Variants in ARHGAP36 observed in about 807,000 individuals in gnomAD.
ARHGAP36 encodes Rho GTPase activating protein 36, also known as rho GTPase-activating protein 36.
A neutral mutation model predicts 32.9 loss-of-function variants in ARHGAP36; 7 were observed. The ratio of observed to expected loss-of-function variants is 0.21; its 90% CI spans 0.12 to 0.40. The LOEUF (loss-of-function observed/expected upper bound fraction) is 0.40, where lower values mean the gene tolerates loss of function less well. ARHGAP36 is among the 10% of genes least tolerant of loss of function. The pLI is 1.00. For synonymous variants in ARHGAP36, 165 were observed against 168.3 expected (o/e 0.98, Z 0.15); for missense variants, 383 against 442.2 (o/e 0.87, Z 1.20).
intron 1 of ARHGAP36, among the ~76,000 whole-genome samples, chrX:131,063,577 A>C (rs1411606665): frequency 9.0e-6 from 1 of 111,308 alleles, no homozygotes; most frequent in Non-Finnish European, 1.9e-5. Context: ...GAAGGGATGA[A>C]GGAGAGGGAG....
At chrX:131,086,297 A>C (rs1329635991) in intron 9 of ARHGAP36, 32 bp from the exon 10 acceptor site, 2 of 1,189,444 alleles carry the variant, frequency 1.7e-6, no homozygotes, top group East Asian at 3.0e-5. Context: ...GTGCTGTGTA[A>C]TGATGGCTAA....
At chrX:131,067,154 AAGT>A (rs1398522861) in intron 1 of ARHGAP36, among the ~76,000 whole-genome samples, 1 of 112,426 alleles carries the variant, frequency 8.9e-6, no homozygotes, top group African/African-American at 3.2e-5. Flanking sequence ...TAAAAAAAAT[AAGT>A]AGGAGTTTGT....
At chrX:131,062,261 A>C (rs915556337) in intron 1 of ARHGAP36, among the ~76,000 whole-genome samples, 3 of 112,365 alleles carry the variant, frequency 2.7e-5, no homozygotes, top group African/African-American at 9.7e-5. Flanking sequence ...AGAATCTATT[A>C]AGGTGGTGGG....
chrX:131,073,809 G>A (rs12840436), intron 1 of ARHGAP36, among the ~76,000 whole-genome samples: 1,938 of 111,573 alleles, frequency 0.017, 51 homozygotes, highest in Admixed American at 0.09. Flanking sequence ...AGCCATGAGA[G>A]TGGTCCAATT....
intron 1 of ARHGAP36, among the ~76,000 whole-genome samples, chrX:131,069,455 G>A (rs1162331628): frequency 8.9e-6 from 1 of 111,940 alleles, no homozygotes; most frequent in Non-Finnish European, 1.9e-5. Flanking sequence ...GTGAGGCTTA[G>A]AGGAAGTAAC....
In ARHGAP36 at chrX:131,089,028, AC is replaced by A; in HGVS notation, c.*245del. 1 of 346,721 alleles carries A rather than the reference AC, an allele frequency of 2.9e-6. No individual in the cohort carries two copies. The highest frequency in any genetic ancestry group is 4.8e-6 in the Non-Finnish European group (1 of 209,734). The allele number at this position is 346,721 out of a possible 1,213,427, so 28.6% of individuals were successfully genotyped here. ...TGTCATGCCCAAGCTCCCCGGTGCT[AC>A]CTTGCCTTTCTCTTTTACCCCTGAT... is the stretch of plus-strand genomic sequence containing the variant. On this transcript the variant is annotated 3_prime_UTR_variant, in exon 12 of 12. Transcript: ENST00000276211.
intron 1 of ARHGAP36, among the ~76,000 whole-genome samples, chrX:131,067,478 C>G (rs1480207375): frequency 1.8e-5 from 2 of 113,075 alleles, no homozygotes; most frequent in Non-Finnish European, 3.8e-5. Context: ...GGTGGGCGGG[C>G]AGGCGAACCC....
rs975843567 is a variant in ARHGAP36 at position 131,088,842 on chromosome X, A to T, written c.*57A>T. On this transcript the variant is annotated 3_prime_UTR_variant, in exon 12 of 12. Coordinates refer to ENST00000276211, the MANE Select transcript of ARHGAP36 (RefSeq NM_144967.4). ...GGAAAAGGGTGGGGGTACATCTGGGATGTCACAGGAAACATTAAGGAGAGA... is the reference window on the plus strand; with the variant it reads ...GGAAAAGGGTGGGGGTACATCTGGGTTGTCACAGGAAACATTAAGGAGAGA... 8.7e-7 allele frequency: 1 copy of T among 1,151,496 alleles called. No individual in the cohort carries two copies. Among genetic ancestry groups the T allele is most frequent in the African/African-American group, 1.8e-5 (1 of 55,385 alleles). The allele number at this position is 1,151,496 out of a possible 1,213,427, so 94.9% of individuals were successfully genotyped here.
At chrX:131,062,363 TA>T (rs1446334347) in intron 1 of ARHGAP36, among the ~76,000 whole-genome samples, 1 of 112,070 alleles carries the variant, frequency 8.9e-6, no homozygotes, top group Non-Finnish European at 1.9e-5. Flanking sequence ...AGGGTAAATT[TA>T]GTACCTGTGA....
In ARHGAP36 at chrX:131,085,908, C is replaced by T. The variant is rs752018874; in HGVS notation, c.1105-5C>T. 7.4e-6 allele frequency: 9 copies of T among 1,208,725 alleles called. No homozygotes were observed. Among genetic ancestry groups the T allele is most frequent in the Non-Finnish European group, 1.0e-5 (9 of 894,566 alleles). On this transcript the variant is annotated splice_region_variant and splice_polypyrimidine_tract_variant and intron_variant, in intron 8 of 11. Coordinates refer to ENST00000276211, the MANE Select transcript of ARHGAP36 (RefSeq NM_144967.4). ...GTCAATCACTTTCTGCTTTCCTTTG[C>T]CTAGGTCCCAGGCAACCGTATGACT...
At position 131,079,560 on chromosome X, in the gene ARHGAP36, TTG is replaced by T. The variant is rs1491492433; in HGVS notation, c.-142-1962_-142-1961del. Among the ~76,000 whole-genome samples, 251 of 59,741 alleles carry T rather than the reference TTG, an allele frequency of 4.2e-3. 1 individual carries two copies. Among genetic ancestry groups the T allele is most frequent in the African/African-American group, 0.013 (243 of 18,503 alleles). 51.9% of individuals were successfully genotyped at this position (59,741 alleles called of 115,157 possible). On this transcript the variant is annotated intron_variant, in intron 1 of 11. Coordinates refer to ENST00000276211, the MANE Select transcript of ARHGAP36 (RefSeq NM_144967.4). ...TTGTTTGTTTTTTGTTTTTTGTTTT[TTG>T]TTTTTTTTTTTTTGGACAGAAGGTA...
Position 131,081,899 on chromosome X carries a change from C to T in ARHGAP36, c.234C>T (p.Ser78=), listed in dbSNP as rs1569367811. Reference sequence around the variant, plus strand: ...AACTCGTGGCCAGACATTTCCTCTCCGAATTCAAACCTGACAGAGGTAAGC... The same window carrying T: ...AACTCGTGGCCAGACATTTCCTCTCTGAATTCAAACCTGACAGAGGTAAGC... ...YHELVARHFL[S]EFKPDRALPI... The change falls in exon 2 of 12, where the codon TCC becomes TCT. Residue 78 remains serine (S), a synonymous_variant. Coordinates refer to ENST00000276211, the MANE Select transcript of ARHGAP36 (RefSeq NM_144967.4). 8.3e-7 allele frequency: 1 copy of T among 1,211,632 alleles called. No homozygotes were observed. Among genetic ancestry groups the T allele is most frequent in the East Asian group, 3.0e-5 (1 of 33,817 alleles).
chrX:131,061,023 G>T (rs1451840471), intron 1 of ARHGAP36, among the ~76,000 whole-genome samples: 3 of 111,322 alleles, frequency 2.7e-5, no homozygotes, highest in Admixed American at 9.5e-5. Flanking sequence ...TCAGAGATGG[G>T]GTTGGGGGAG....
At position 131,083,193 on chromosome X, in the gene ARHGAP36, G is replaced by C. The variant is rs1175798116; in HGVS notation, c.282G>C (p.Leu94Phe). The part of the protein sequence containing the change: ...RALPIDRPNT[L>F]DKWFLILRGQ... The stretch of plus-strand genomic sequence containing the variant: ...TGCCTATTGACCGTCCGAACACCTT[G>C]GATAAGTGGTTTCTGATTTTGAGAG... The change falls in exon 3 of 12, where the codon TTG becomes TTC. Residue 94 changes from leucine (L) to phenylalanine (F), a missense_variant. Leu to Phe is a conservative substitution (Grantham distance 22). Coordinates refer to ENST00000276211, the MANE Select transcript of ARHGAP36 (RefSeq NM_144967.4). The C allele has an allele frequency of 1.7e-6, 2 of 1,209,756 alleles. No individual in the cohort carries two copies. The highest frequency in any genetic ancestry group is 1.8e-5 in the South Asian group (1 of 56,595).
At chrX:131,079,265 AATGCATGTGCCTTTGGTTAAAATGGTC>A (rs2079781721) in intron 1 of ARHGAP36, among the ~76,000 whole-genome samples, 1 of 111,992 alleles carries the variant, frequency 8.9e-6, no homozygotes, top group African/African-American at 3.2e-5. Context: ...ACTGTGGTTA[AATGCATGTGCCTTTGGTTAAAATGGTC>A]ACTTTGCAAG....
intron 1 of ARHGAP36, among the ~76,000 whole-genome samples, chrX:131,067,779 C>T (rs1205382352): frequency 1.8e-5 from 2 of 112,085 alleles, no homozygotes; most frequent in African/African-American, 6.5e-5. Context: ...CGCACCCTCA[C>T]ATGCATAAAC....
At chrX:131,059,081 G>A (rs1300369570) in intron 1 of ARHGAP36, among the ~76,000 whole-genome samples, 5 of 111,677 alleles carry the variant, frequency 4.5e-5, no homozygotes, top group African/African-American at 1.6e-4. Context: ...CTTTAGTCGG[G>A]TTCTTTCCTT....
At chrX:131,086,163 G>T in intron 9 of ARHGAP36, 74 bp downstream of exon 9, 1 of 1,150,114 alleles carries the variant, frequency 8.7e-7, no homozygotes, top group Non-Finnish European at 1.2e-6. Context: ...AGTTGTACCT[G>T]CATCTTTGAG....
intron 1 of ARHGAP36, among the ~76,000 whole-genome samples, chrX:131,071,858 T>C (rs180890163): frequency 6.0e-4 from 67 of 112,027 alleles, no homozygotes; most frequent in Non-Finnish European, 1.7e-4. Context: ...CCCTTGTGCA[T>C]TTACTTGGCC....
Sources: gnomAD v4.1 joint callset for allele counts (sites outside exome capture counted in the v4.1 genomes callset) on GRCh38, gnomAD v4.1.1 for gene constraint, MANE v1.5 for transcripts, NCBI Gene and HGNC (gene_info 2026-07-23, HGNC 2026-07-21) for gene names.